The following SLC35F1 variants were observed in gnomAD, a reference collection of about 807,000 sequenced individuals.
SLC35F1 encodes the protein chromosome 6 open reading frame 169.
SLC35F1 carries 14 observed loss-of-function variants against 48.7 expected under a neutral mutation model. The observed-to-expected ratio is 0.29, with a 90% CI of 0.19 to 0.45. SLC35F1 has a LOEUF of 0.45. Among genes scored for constraint, SLC35F1 ranks in the 20% least tolerant of loss-of-function variants. The pLI, the probability that SLC35F1 is intolerant of heterozygous loss-of-function variation, is 1.00. For missense variants in SLC35F1, 404 were observed against 500.0 expected, an observed-to-expected ratio of 0.81 and a Z score of 1.83; for synonymous variants, 190 against 202.2, an observed-to-expected ratio of 0.94 and a Z score of 0.51.
Position 118,103,107 on chromosome 6 carries a change from T to C in SLC35F1, c.174-51338T>C, listed in dbSNP as rs183429694. The stretch of plus-strand genomic sequence containing the variant: ...GCAGGTGCCCCCTCCCAAGAATATG[T>C]TCAATATCAAGAACATATATTTCTA... On this transcript the variant is annotated intron_variant, in intron 1 of 7. Transcript: ENST00000360388. Among the ~76,000 whole-genome samples, 349 of 152,228 alleles carry C rather than the reference T, an allele frequency of 2.3e-3. 9 individuals are homozygous for C. The highest frequency in any genetic ancestry group is 7.2e-4 in the Non-Finnish European group (49 of 68,022).
At chr6:118,097,491 G>C (rs907602779) in intron 1 of SLC35F1, among the ~76,000 whole-genome samples, 1 of 152,096 alleles carries the variant, frequency 6.6e-6, no homozygotes, top group Non-Finnish European at 1.5e-5. Flanking sequence ...GTGACTTGGG[G>C]GTGTGCATTT....
At chr6:118,009,681 T>G (rs2114875111) in intron 1 of SLC35F1, among the ~76,000 whole-genome samples, 1 of 152,276 alleles carries the variant, frequency 6.6e-6, no homozygotes, top group Middle Eastern at 3.4e-3. Context: ...CCCTCTATTC[T>G]TTTGTCTTGT....
chr6:118,206,122 C>T (rs1234230987), intron 2 of SLC35F1, among the ~76,000 whole-genome samples: 2 of 151,952 alleles, frequency 1.3e-5, no homozygotes, highest in African/African-American at 4.8e-5. Flanking sequence ...GTATTTAATG[C>T]CAATGAATTA....
intron 5 of SLC35F1, among the ~76,000 whole-genome samples, chr6:118,276,888 T>G (rs1775924267): frequency 6.6e-6 from 1 of 152,162 alleles, no homozygotes; most frequent in Non-Finnish European, 1.5e-5. Flanking sequence ...AAAGTAATGC[T>G]GGTGGAGTGA....
chr6:118,246,904 T>C (rs780222215), intron 3 of SLC35F1, among the ~76,000 whole-genome samples: 121 of 152,328 alleles, frequency 7.9e-4, no homozygotes, highest in Non-Finnish European at 1.5e-3. Flanking sequence ...TAAGTGACTT[T>C]TAACAGTGCC....
chr6:117,950,638 A>C (rs1776352748), intron 1 of SLC35F1, among the ~76,000 whole-genome samples: 1 of 152,210 alleles, frequency 6.6e-6, no homozygotes, highest in South Asian at 2.1e-4. Context: ...TACTTCAAAC[A>C]TTCTTGGCAC....
At chr6:117,941,363 T>A (rs1214252196) in intron 1 of SLC35F1, among the ~76,000 whole-genome samples, 1 of 152,218 alleles carries the variant, frequency 6.6e-6, no homozygotes, top group East Asian at 1.9e-4. Context: ...CCACATTGTG[T>A]ACATTCATGG....
At chr6:117,922,455 G>A (rs1267734506) in intron 1 of SLC35F1, among the ~76,000 whole-genome samples, 1 of 152,164 alleles carries the variant, frequency 6.6e-6, no homozygotes. Context: ...AATGTGATTA[G>A]CAGATGCAAA....
intron 1 of SLC35F1, among the ~76,000 whole-genome samples, chr6:118,097,704 G>T (rs1245967163): frequency 6.6e-6 from 1 of 152,186 alleles, no homozygotes; most frequent in East Asian, 1.9e-4. Context: ...GCCATCACCA[G>T]CCGCAACAGC....
At chr6:118,023,862 A>G (rs917718702) in intron 1 of SLC35F1, among the ~76,000 whole-genome samples, 3 of 152,230 alleles carry the variant, frequency 2.0e-5, no homozygotes, top group Admixed American at 1.3e-4. Flanking sequence ...TAGCTTATTG[A>G]AGACTATTCC....
rs949495702 is a variant in SLC35F1, at chr6:118,037,661, C to T, written c.174-116784C>T. 1.1e-4 allele frequency among the ~76,000 whole-genome samples: 17 copies of T among 152,118 alleles called. No homozygotes were observed. The South Asian group carries it at 1.7e-3, about 15-fold the overall frequency. Reference sequence around the variant, plus strand: ...TAGGCTGGATAAAGAAAATGTGGTACGTATACACCATGGAATACTATGCAG... The same window carrying T: ...TAGGCTGGATAAAGAAAATGTGGTATGTATACACCATGGAATACTATGCAG... On this transcript the variant is annotated intron_variant, in intron 1 of 7. Transcript: ENST00000360388.
chr6:117,981,913 A>G (rs1201827670), intron 1 of SLC35F1, among the ~76,000 whole-genome samples: 3 of 152,054 alleles, frequency 2.0e-5, no homozygotes, highest in Admixed American at 6.5e-5. Context: ...GGCAGGGAGA[A>G]ATTCTCCATA....
chr6:118,315,641 G>T lies in SLC35F1; in HGVS notation c.*1389G>T, dbSNP rs557003005. The T allele has an allele frequency of 2.0e-5, 3 of 151,732 alleles. No individual in the cohort carries two copies. The highest frequency in any genetic ancestry group is 2.9e-5 in the Non-Finnish European group (2 of 67,948). The allele number at this position is 151,732 out of a possible 1,614,324, so 9.4% of individuals were successfully genotyped here. On this transcript the variant is annotated 3_prime_UTR_variant, in exon 8 of 8. Coordinates refer to ENST00000360388, the MANE Select transcript of SLC35F1 (RefSeq NM_001029858.4). ...TTTTTAGTAGAGATGGGGTTTCACC[G>T]TGTTAGCCAGGATGGTCTCGATCTC...
At chr6:118,298,308 T>C (rs1026992331) in intron 7 of SLC35F1, among the ~76,000 whole-genome samples, 9 of 152,186 alleles carry the variant, frequency 5.9e-5, no homozygotes, top group Non-Finnish European at 1.2e-4. Context: ...TTTTCAAAAA[T>C]AGAGCTCACA....
At chr6:118,024,552 A>G (rs956730367) in intron 1 of SLC35F1, among the ~76,000 whole-genome samples, 1 of 152,110 alleles carries the variant, frequency 6.6e-6, no homozygotes, top group Non-Finnish European at 1.5e-5. Context: ...AAAATCAGCC[A>G]TTGTTTCAGG....
chr6:118,000,217 G>C lies in SLC35F1; in HGVS notation c.173+92318G>C, dbSNP rs9387533. On this transcript the variant is annotated intron_variant, in intron 1 of 7. Transcript: ENST00000360388. Reference sequence around the variant, plus strand: ...AATCCTCAATAAAATACTGGCAAACGGAATCCAGCAGCACATCAAAAAGCT... The same window carrying C: ...AATCCTCAATAAAATACTGGCAAACCGAATCCAGCAGCACATCAAAAAGCT... 2.7e-3 allele frequency among the ~76,000 whole-genome samples: 416 copies of C among 152,240 alleles called. 12 individuals carry two copies. Among genetic ancestry groups the C allele is most frequent in the East Asian group, 8.5e-3 (44 of 5,182 alleles).
intron 3 of SLC35F1, among the ~76,000 whole-genome samples, chr6:118,242,671 C>G (rs78077313): frequency 0.015 from 2,266 of 152,226 alleles, 22 homozygotes; most frequent in Non-Finnish European, 0.02. Flanking sequence ...CTATATGAAC[C>G]ATTACAGTAG....
chr6:118,138,307 C>CAA (rs56094377), intron 1 of SLC35F1, among the ~76,000 whole-genome samples: 139 of 127,982 alleles, frequency 1.1e-3, no homozygotes, highest in African/African-American at 3.7e-3. Flanking sequence ...ACTCCCACCT[C>CAA]AAAAAAAAAA....
intron 1 of SLC35F1, among the ~76,000 whole-genome samples, chr6:118,136,005 G>T (rs1192782573): frequency 6.6e-6 from 1 of 152,158 alleles, no homozygotes; most frequent in East Asian, 1.9e-4. Context: ...ACATGTAAGA[G>T]CCCAAACTCT....
Sources: allele counts gnomAD v4.1 joint callset (sites outside exome capture counted in the v4.1 genomes callset), GRCh38; gene constraint gnomAD v4.1.1; transcripts MANE v1.5; gene names NCBI Gene and HGNC (gene_info 2026-07-23, HGNC 2026-07-21).